The following NFATC2 variants were observed in gnomAD, a reference collection of about 807,000 sequenced individuals.
NFATC2 encodes nuclear factor of activated T-cells, cytoplasmic 2.
Under a neutral mutation model 87.3 loss-of-function variants are expected in NFATC2, and 22 were observed. The ratio of observed to expected loss-of-function variants is 0.25; its 90% confidence interval spans 0.18 to 0.36. NFATC2 has a LOEUF of 0.36. Among genes scored for constraint, NFATC2 ranks in the 10% least tolerant of loss-of-function variants. The probability of loss-of-function intolerance (pLI) is 1.00; values close to 1 mark genes in which losing one functional copy is unlikely to be tolerated. For missense variants in NFATC2, 1,149 were observed against 1,259.1 expected, an observed-to-expected ratio of 0.91 and a Z score of 1.32; for synonymous variants, 565 against 542.2, an observed-to-expected ratio of 1.04 and a Z score of -0.58.
intron 5 of NFATC2, among the ~76,000 whole-genome samples, chr20:51,459,839 A>G (rs115405743): frequency 0.024 from 3,672 of 152,226 alleles, 138 homozygotes; most frequent in African/African-American, 0.083. Flanking sequence ...AGATCACGCT[A>G]CTACACTCCA....
At chr20:51,545,154 C>T (rs190235436), upstream of NFATC2, among the ~76,000 whole-genome samples, 1 of 152,254 alleles carries the variant, frequency 6.6e-6, no homozygotes, top group Non-Finnish European at 1.5e-5. Flanking sequence ...AACAAGAAAA[C>T]CAGGCTTCCC....
intron 2 of NFATC2, among the ~76,000 whole-genome samples, chr20:51,517,621 A>T (rs1266948985): frequency 6.7e-6 from 1 of 150,156 alleles, no homozygotes; most frequent in African/African-American, 2.4e-5. Context: ...AAACAAAACC[A>T]AAAAACAACA....
rs1568909984 is a variant in NFATC2, at chr20:51,388,878, T to G, written c.*2618A>C. The G allele has an allele frequency of 6.6e-6, 1 of 152,204 alleles. No individual in the cohort carries two copies. The highest frequency in any genetic ancestry group is 1.5e-5 in the Non-Finnish European group (1 of 68,028). The allele number at this position is 152,204 out of a possible 1,614,324, so 9.4% of individuals were successfully genotyped here. A position where few individuals can be genotyped will look rare whatever the true frequency, so the allele number is the denominator to read the frequency against. The stretch of plus-strand genomic sequence containing the variant: ...TCTTTACCATTTAGACACCCCTACT[T>G]TCTCATTCTCTTAGAGGATCTTATT... On this transcript the variant is annotated 3_prime_UTR_variant, in exon 11 of 11. Transcript: ENST00000371564.
chr20:51,561,430 G>GAAAAGAAAGGAAGAAAGA, intron 1 of NFATC2, among the ~76,000 whole-genome samples: 1 of 109,808 alleles, frequency 9.1e-6, no homozygotes, highest in African/African-American at 3.7e-5. Context: ...GAGAGAGAAA[G>GAAAAGAAAGGAAGAAAGA]AAAAGAAAGA....
At chr20:51,393,242 T>C (rs1986576747) in intron 10 of NFATC2, among the ~76,000 whole-genome samples, 1 of 130,910 alleles carries the variant, frequency 7.6e-6, no homozygotes. Flanking sequence ...CTTCCTTGCT[T>C]GGTGAACCTT....
At chr20:51,549,990 C>G in intron 1 of NFATC2, among the ~76,000 whole-genome samples, 1 of 152,188 alleles carries the variant, frequency 6.6e-6, no homozygotes, top group East Asian at 1.9e-4. Flanking sequence ...AAGTGCTCCT[C>G]AACTTATGGT....
Position 51,432,786 on chromosome 20 carries a change from C to G in NFATC2, c.2033-30G>C. On this transcript the variant is annotated intron_variant, in intron 8 of 10. Coordinates refer to ENST00000371564, the MANE Select transcript of NFATC2 (RefSeq NM_012340.5). This position sits in a 1 kb window ranked among gnomAD's most constrained non-coding sequence, Gnocchi z 4.6. ...GAGGAGAAAAGAGCACATAGGGGCG[C>G]CCATGGCAGTGAGCCACGGATGTGC... The G allele has an allele frequency of 6.6e-7, 1 of 1,518,448 alleles. No homozygotes were observed. The allele number at this position is 1,518,448 out of a possible 1,614,324, so 94.1% of individuals were successfully genotyped here. A position where few individuals can be genotyped will look rare whatever the true frequency, so the allele number is the denominator to read the frequency against.
At chr20:51,415,572 G>A (rs973522732) in intron 9 of NFATC2, among the ~76,000 whole-genome samples, 2 of 152,186 alleles carry the variant, frequency 1.3e-5, no homozygotes, top group African/African-American at 4.8e-5. Flanking sequence ...CTGGGGACCA[G>A]TGACATGGAA....
At chr20:51,496,352 G>C (rs957686645) in intron 3 of NFATC2, among the ~76,000 whole-genome samples, 3 of 152,026 alleles carry the variant, frequency 2.0e-5, no homozygotes, top group Non-Finnish European at 4.4e-5. Flanking sequence ...CTCAGGTCTT[G>C]AGCAATCAGA....
At chr20:51,526,557 C>G (rs13036702) in intron 1 of NFATC2, among the ~76,000 whole-genome samples, 1 of 152,106 alleles carries the variant, frequency 6.6e-6, no homozygotes, top group Non-Finnish European at 1.5e-5. Flanking sequence ...AAACATTTGC[C>G]GAGTGGCTGA....
chr20:51,453,928 T>C (rs1045855798), intron 6 of NFATC2, among the ~76,000 whole-genome samples: 2 of 152,222 alleles, frequency 1.3e-5, no homozygotes, highest in Admixed American at 6.5e-5. Flanking sequence ...TAAAAAGATA[T>C]ACATATAGAT....
chr20:51,472,186 T>C (rs1600813736), intron 5 of NFATC2, among the ~76,000 whole-genome samples: 1 of 151,976 alleles, frequency 6.6e-6, no homozygotes, highest in South Asian at 2.1e-4. Context: ...ACCCGGGAGG[T>C]AGAAGTTGCA....
chr20:51,423,328 G>T, intron 9 of NFATC2, among the ~76,000 whole-genome samples: 1 of 150,960 alleles, frequency 6.6e-6, no homozygotes, highest in African/African-American at 2.5e-5. Context: ...ATTATCTTGG[G>T]TTGTGGCTGG....
intron 3 of NFATC2, among the ~76,000 whole-genome samples, chr20:51,492,027 C>G (rs576402922): frequency 6.6e-6 from 1 of 152,048 alleles, no homozygotes; most frequent in Non-Finnish European, 1.5e-5. Context: ...ATGAACACCC[C>G]TTGTTCACTG....
chr20:51,559,461 A>C (rs1031037027), intron 1 of NFATC2, among the ~76,000 whole-genome samples: 3 of 152,142 alleles, frequency 2.0e-5, no homozygotes, highest in African/African-American at 7.2e-5. Context: ...AATTATGATG[A>C]TGTTATTGAG....
chr20:51,420,380 G>A (rs960577594), intron 9 of NFATC2, among the ~76,000 whole-genome samples: 1 of 152,124 alleles, frequency 6.6e-6, no homozygotes, highest in Non-Finnish European at 1.5e-5. Context: ...AAAAACAATT[G>A]AATCTGAATG....
intron 3 of NFATC2, among the ~76,000 whole-genome samples, chr20:51,491,397 G>A (rs2075880981): frequency 6.6e-6 from 1 of 152,168 alleles, no homozygotes; most frequent in Admixed American, 6.5e-5. Context: ...TCCTTGCTCT[G>A]GGTTTGCATG....
chr20:51,562,838 G>T, upstream of NFATC2: 1 of 518,798 alleles, frequency 1.9e-6, no homozygotes, highest in Non-Finnish European at 3.4e-6. The surrounding 1 kb of genome is among the most constrained non-coding windows in gnomAD (Gnocchi z 5.8). Flanking sequence ...CAGAGGCAAC[G>T]CGACTTCCTT....
intron 3 of NFATC2, among the ~76,000 whole-genome samples, chr20:51,483,038 C>T (rs969518799): frequency 2.0e-5 from 3 of 152,192 alleles, no homozygotes. Context: ...GTGAGCCCCA[C>T]TCTACATTTG....
Sources: allele counts gnomAD v4.1 joint callset (sites outside exome capture counted in the v4.1 genomes callset), GRCh38; gene constraint gnomAD v4.1.1; non-coding constraint Gnocchi (gnomAD v3.1); transcripts MANE v1.5; gene names NCBI Gene and HGNC (gene_info 2026-07-23, HGNC 2026-07-21).